KCNQ4: variants seen among roughly 807,000 people sequenced by gnomAD.
The protein encoded by KCNQ4 is potassium voltage-gated channel subfamily KQT member 4.
A neutral mutation model predicts 72.6 loss-of-function variants in KCNQ4; 31 were observed. The ratio of observed to expected loss-of-function variants is 0.43; its 90% CI spans 0.32 to 0.58. The LOEUF is 0.58. Among genes scored for constraint, KCNQ4 ranks in the 20% least tolerant of loss-of-function variants. KCNQ4 has a pLI of 0.08. For missense variants in KCNQ4, 869 were observed against 962.6 expected (o/e 0.90, Z 1.29); for synonymous variants, 405 against 403.7 (o/e 1.00, Z -0.04).
rs1558005612 is a variant in KCNQ4, at chr1:40,811,059, G to A, written c.315-6206G>A. Among the ~76,000 whole-genome samples, 3 of 152,216 alleles carry A rather than the reference G, an allele frequency of 2.0e-5. No individual in the cohort carries two copies. In the South Asian group the frequency reaches 6.2e-4, roughly 32 times the overall value. Reference sequence around the variant, plus strand: ...GAGCTCTGCAGTCACCACAGTATACGCCTCTGAACCGCCCTCTCCTTATCA... The same window carrying A: ...GAGCTCTGCAGTCACCACAGTATACACCTCTGAACCGCCCTCTCCTTATCA... On this transcript the variant is annotated intron_variant, in intron 1 of 13. Coordinates refer to ENST00000347132, the MANE Select transcript of KCNQ4 (RefSeq NM_004700.4).
Position 40,784,491 on chromosome 1 carries a change from C to A in KCNQ4, c.314+84C>A. ...CACGGCCGCCCCGCCCTGGCTCCGC[C>A]TTCTACCCCCCTGCCTCAGGGCCGA... On this transcript the variant is annotated intron_variant, in intron 1 of 13. Transcript: ENST00000347132. The surrounding 1 kb of genome is among the most constrained non-coding windows in gnomAD (Gnocchi z 4.1). 7.4e-7 allele frequency: 1 copy of A among 1,352,224 alleles called. No homozygotes were observed. The highest frequency in any genetic ancestry group is 1.0e-6 in the Non-Finnish European group (1 of 959,834). 83.8% of individuals were successfully genotyped at this position (1,352,224 alleles called of 1,614,324 possible).
Position 40,834,140 on chromosome 1 carries a change from G to C in KCNQ4, c.1614-827G>C, listed in dbSNP as rs775228374. ...CCATGTGCCCAGTGTCAAGGACATA[G>C]TACCTGACCTGCCACCTGACCCAAG... is the stretch of plus-strand genomic sequence containing the variant. On this transcript the variant is annotated intron_variant, in intron 11 of 13. Coordinates refer to ENST00000347132, the MANE Select transcript of KCNQ4 (RefSeq NM_004700.4). 7.3e-5 allele frequency among the ~76,000 whole-genome samples: 11 copies of C among 150,830 alleles called. 1 individual carries two copies. Among genetic ancestry groups the C allele is most frequent in the Admixed American group, 6.6e-4 (10 of 15,110 alleles).
chr1:40,818,025 C>G, intron 2 of KCNQ4, 139 bp from the exon 3 acceptor site: 1 of 1,130,740 alleles, frequency 8.8e-7, no homozygotes. Flanking sequence ...CCGGAATCGT[C>G]AAGTCCAGGA....
At chr1:40,828,150 C>G (rs549252960) in intron 9 of KCNQ4, among the ~76,000 whole-genome samples, 1 of 152,254 alleles carries the variant, frequency 6.6e-6, no homozygotes, top group Admixed American at 6.5e-5. Flanking sequence ...GAGAGTGGCC[C>G]TGGGAGGGCA....
At chr1:40,791,965 C>T (rs961811607) in intron 1 of KCNQ4, among the ~76,000 whole-genome samples, 1 of 151,800 alleles carries the variant, frequency 6.6e-6, no homozygotes, top group African/African-American at 2.4e-5. Flanking sequence ...CAAGGAATGG[C>T]TCCCTACTCC....
At chr1:40,821,852 C>G (rs867582277) in intron 7 of KCNQ4, among the ~76,000 whole-genome samples, 21 of 152,182 alleles carry the variant, frequency 1.4e-4, no homozygotes, top group African/African-American at 4.8e-4. Flanking sequence ...AACAGAGGAA[C>G]CTGGCATGAA....
At chr1:40,789,796 A>G (rs549953938) in intron 1 of KCNQ4, among the ~76,000 whole-genome samples, 1 of 152,242 alleles carries the variant, frequency 6.6e-6, no homozygotes, top group East Asian at 1.9e-4. Context: ...CAGCACTTTG[A>G]GTGGATGATT....
At chr1:40,825,215 G>C (rs1648440471) in intron 9 of KCNQ4, among the ~76,000 whole-genome samples, 1 of 152,078 alleles carries the variant, frequency 6.6e-6, no homozygotes, top group Non-Finnish European at 1.5e-5. Context: ...CAGCCAAATG[G>C]ACATCTGGCC....
At chr1:40,790,699 A>T (rs1293069100) in intron 1 of KCNQ4, among the ~76,000 whole-genome samples, 1 of 152,146 alleles carries the variant, frequency 6.6e-6, no homozygotes, top group African/African-American at 2.4e-5. Context: ...TTCTTCCTTC[A>T]TCTGGCAAAC....
chr1:40,825,997 G>A (rs1570840922), intron 9 of KCNQ4, among the ~76,000 whole-genome samples: 1 of 152,194 alleles, frequency 6.6e-6, no homozygotes, highest in East Asian at 1.9e-4. Flanking sequence ...GACACAGGGT[G>A]ATGGTAGTAA....
chr1:40,822,993 C>T (rs766756860), intron 8 of KCNQ4, among the ~76,000 whole-genome samples: 1 of 152,356 alleles, frequency 6.6e-6, no homozygotes, highest in Non-Finnish European at 1.5e-5. Context: ...GTGCGTGTGG[C>T]CAGGTGCCTG....
chr1:40,829,676 A>G (rs1648579395), intron 9 of KCNQ4, among the ~76,000 whole-genome samples: 1 of 152,122 alleles, frequency 6.6e-6, no homozygotes, highest in Non-Finnish European at 1.5e-5. Context: ...AGTAGGTGAC[A>G]CGGTGTCCTC....
chr1:40,818,691 C>T lies in KCNQ4; in HGVS notation c.708+11C>T. 1.3e-6 allele frequency: 2 copies of T among 1,585,472 alleles called. No homozygotes were observed. Among genetic ancestry groups the T allele is most frequent in the Middle Eastern group, 1.9e-4 (1 of 5,252 alleles). ...TACGCGCATAGCAAGGTGAGGCCTG[C>T]AAGCCGCGCGCGGAGACCCGAGGGC... On this transcript the variant is annotated intron_variant, in intron 4 of 13. Coordinates refer to ENST00000347132, the MANE Select transcript of KCNQ4 (RefSeq NM_004700.4).
chr1:40,829,076 C>G (rs1166905018), intron 9 of KCNQ4, among the ~76,000 whole-genome samples: 1 of 152,264 alleles, frequency 6.6e-6, no homozygotes, highest in Non-Finnish European at 1.5e-5. Context: ...CTTCTTTTGA[C>G]AGGGAGGTTG....
rs142312077 is a variant in KCNQ4, at chr1:40,826,396, C to G, written c.1292+2138C>G. On this transcript the variant is annotated intron_variant, in intron 9 of 13. Coordinates refer to ENST00000347132, the MANE Select transcript of KCNQ4 (RefSeq NM_004700.4). The stretch of plus-strand genomic sequence containing the variant: ...ATACCTGGACCTGTCTCCAAGCCCA[C>G]AGGATCAGAATCTCTGGAGAAGAGA... 3.5e-4 allele frequency among the ~76,000 whole-genome samples: 54 copies of G among 152,380 alleles called. No individual in the cohort carries two copies. In the East Asian group the frequency reaches 8.5e-3, roughly 24 times the overall value.
At chr1:40,803,068 T>C (rs1190872018) in intron 1 of KCNQ4, among the ~76,000 whole-genome samples, 1 of 152,178 alleles carries the variant, frequency 6.6e-6, no homozygotes, top group African/African-American at 2.4e-5. Context: ...TTACTGGAAG[T>C]TCTGCTTATC....
Position 40,802,451 on chromosome 1 carries a change from C to A in KCNQ4, c.315-14814C>A, listed in dbSNP as rs1215821653. On this transcript the variant is annotated intron_variant, in intron 1 of 13. Coordinates refer to ENST00000347132, the MANE Select transcript of KCNQ4 (RefSeq NM_004700.4). ...AATCGGAGCCGCAGCACCGCCCCGG[C>A]CCCTCCCGCTCTCGGGGCCTGGCAT... is the stretch of plus-strand genomic sequence containing the variant. Among the ~76,000 whole-genome samples, 4 of 152,120 alleles carry A rather than the reference C, an allele frequency of 2.6e-5. No individual in the cohort carries two copies. The East Asian group carries it at 7.7e-4, about 29-fold the overall frequency.
intron 1 of KCNQ4, among the ~76,000 whole-genome samples, chr1:40,789,304 A>G (rs1647237221): frequency 6.6e-6 from 1 of 152,190 alleles, no homozygotes. Flanking sequence ...CTAGTGAGTT[A>G]GTGGAGAACT....
At chr1:40,791,653 G>A (rs1246163499) in intron 1 of KCNQ4, among the ~76,000 whole-genome samples, 3 of 152,180 alleles carry the variant, frequency 2.0e-5, no homozygotes, top group South Asian at 2.1e-4. Context: ...CTCACCCCAC[G>A]GAGATTTGGG....
Sources: allele counts gnomAD v4.1 joint callset (sites outside exome capture counted in the v4.1 genomes callset), GRCh38; gene constraint gnomAD v4.1.1; non-coding constraint Gnocchi (gnomAD v3.1); transcripts MANE v1.5; gene names NCBI Gene and HGNC (gene_info 2026-07-23, HGNC 2026-07-21).